The following CHN2 variants were observed in gnomAD, a reference collection of about 807,000 sequenced individuals.
CHN2 encodes the protein chimerin 2.
CHN2 carries 35 observed loss-of-function variants against 56.3 expected under a neutral mutation model. The ratio of observed to expected loss-of-function variants is 0.62; its 90% CI spans 0.47 to 0.82. The LOEUF (loss-of-function observed/expected upper bound fraction) is 0.82, where lower values mean the gene tolerates loss of function less well. CHN2 is among the 40% of genes least tolerant of loss of function. The pLI is 0.00. For missense variants in CHN2, 491 were observed against 580.5 expected (o/e 0.85, Z 1.58); for synonymous variants, 210 against 212.8 (o/e 0.99, Z 0.12).
intron 7 of CHN2, among the ~76,000 whole-genome samples, chr7:29,494,012 C>T (rs930491416): frequency 6.6e-6 from 1 of 152,210 alleles, no homozygotes; most frequent in Non-Finnish European, 1.5e-5. Context: ...TTCCTCTCCC[C>T]GCAACTTTTG....
chr7:29,163,050 T>C (rs955221092), intron 2 of CHN2, among the ~76,000 whole-genome samples: 14 of 152,238 alleles, frequency 9.2e-5, no homozygotes, highest in African/African-American at 3.4e-4. Flanking sequence ...ACTATAGTTA[T>C]GTAAAACGTT....
chr7:29,511,748 G>A lies in CHN2; in HGVS notation c.1236-816G>A, dbSNP rs145540091. ...CCTAAACACATTTTAATTATATTTT[G>A]CTCATTTTTGGAGAACCCATTCCCT... On this transcript the variant is annotated intron_variant, in intron 12 of 12. Coordinates refer to ENST00000222792, the MANE Select transcript of CHN2 (RefSeq NM_004067.4). Among the ~76,000 whole-genome samples the A allele has an allele frequency of 1.1e-3, 161 of 150,800 alleles. 4 individuals are homozygous for A. Among genetic ancestry groups the A allele is most frequent in the African/African-American group, 3.8e-3 (155 of 41,196 alleles).
At position 29,161,930 on chromosome 7, in the gene CHN2, A is replaced by G. The variant is rs535796621; in HGVS notation, c.274+14970A>G. Among the ~76,000 whole-genome samples the G allele has an allele frequency of 1.1e-4, 16 of 152,356 alleles. No homozygotes were observed. In the East Asian group the frequency reaches 1.5e-3, roughly 15 times the overall value. ...AATAAGCACATGAAAGATACTCAGC[A>G]TCACTAGCTATCAGGGGAATGTAAG... On this transcript the variant is annotated intron_variant, in intron 2 of 6. Coordinates refer to the CHN2 transcript ENST00000439384.
chr7:29,169,182 G>C (rs559121575), intron 2 of CHN2, among the ~76,000 whole-genome samples: 3 of 151,996 alleles, frequency 2.0e-5, no homozygotes, highest in Non-Finnish European at 4.4e-5. Flanking sequence ...TGTATATTCA[G>C]TACTGTTTTT....
chr7:29,253,454 A>C (rs1003956012), intron 1 of CHN2, among the ~76,000 whole-genome samples: 1 of 151,856 alleles, frequency 6.6e-6, no homozygotes, highest in Non-Finnish European at 1.5e-5. Context: ...TAAATGTGAG[A>C]GTCTGGGAAA....
At position 29,273,319 on chromosome 7, in the gene CHN2, CAT is replaced by C. The variant is rs1321281034; in HGVS notation, c.49+78330_49+78331del. Among the ~76,000 whole-genome samples the C allele has an allele frequency of 4.6e-4, 49 of 107,210 alleles. 1 individual carries two copies. Among genetic ancestry groups the C allele is most frequent in the African/African-American group, 1.7e-3 (47 of 27,536 alleles). The allele number at this position is 107,210 out of a possible 152,430, so 70.3% of individuals were successfully genotyped here. On this transcript the variant is annotated intron_variant, in intron 1 of 12. Coordinates refer to ENST00000222792, the MANE Select transcript of CHN2 (RefSeq NM_004067.4). ...CCTTTTCTAAGGCTGAATAATATTC[CAT>C]CATGCATATATATATATATGTGTAT...
At chr7:29,479,642 A>G in intron 6 of CHN2, 1 of 1,022,088 alleles carries the variant, frequency 9.8e-7, no homozygotes, top group Non-Finnish European at 1.2e-6. Flanking sequence ...GATGGGGTTC[A>G]GAGCCCCAGA....
chr7:29,179,124 C>G (rs545801158), intron 2 of CHN2, among the ~76,000 whole-genome samples: 1 of 152,266 alleles, frequency 6.6e-6, no homozygotes, highest in Admixed American at 6.5e-5. Context: ...CTCATGGACC[C>G]TTTGAAAACA....
chr7:29,361,327 G>A (rs1798712523), intron 2 of CHN2, among the ~76,000 whole-genome samples: 1 of 152,170 alleles, frequency 6.6e-6, no homozygotes, highest in South Asian at 2.1e-4. Context: ...GCTAAGAGAG[G>A]AGATTGGGCC....
intron 7 of CHN2, 33 bp from the exon 8 acceptor site, chr7:29,495,919 C>A: frequency 2.5e-6 from 4 of 1,592,298 alleles, no homozygotes; most frequent in Non-Finnish European, 3.4e-6. Flanking sequence ...TGACTCTGAG[C>A]TTTCTGACAT....
chr7:29,505,470 C>A (rs750906245), intron 10 of CHN2, among the ~76,000 whole-genome samples: 3 of 152,198 alleles, frequency 2.0e-5, no homozygotes, highest in Non-Finnish European at 2.9e-5. Flanking sequence ...AGGTAGCCCT[C>A]CCTCTCTCTT....
At chr7:29,333,926 AG>A (rs1171158254) in intron 1 of CHN2, among the ~76,000 whole-genome samples, 1 of 152,160 alleles carries the variant, frequency 6.6e-6, no homozygotes, top group Non-Finnish European at 1.5e-5. Context: ...GTGTGCATGG[AG>A]TCCTGCAGTT....
In CHN2 at chr7:29,239,905, C is replaced by G. The variant is rs529610224; in HGVS notation, c.49+44915C>G. Among the ~76,000 whole-genome samples, 54 of 152,344 alleles carry G rather than the reference C, an allele frequency of 3.5e-4. 3 individuals are homozygous for G. The South Asian group carries it at 9.5e-3, about 27-fold the overall frequency. ...GGAGAGGGACCCATTGTTGCCCGTT[C>G]TTCTAGTTAAGCTAGAAATCTAGAT... On this transcript the variant is annotated intron_variant, in intron 1 of 12. Coordinates refer to ENST00000222792, the MANE Select transcript of CHN2 (RefSeq NM_004067.4).
At chr7:29,179,787 T>C (rs975112325) in intron 2 of CHN2, among the ~76,000 whole-genome samples, 2 of 152,238 alleles carry the variant, frequency 1.3e-5, no homozygotes. Flanking sequence ...AGGGGCTATA[T>C]AGCATTTATG....
chr7:29,392,647 C>G (rs757880908), intron 3 of CHN2, among the ~76,000 whole-genome samples: 1 of 152,172 alleles, frequency 6.6e-6, no homozygotes, highest in Non-Finnish European at 1.5e-5. Context: ...TCCCCTAGCT[C>G]CTAGTGTCCT....
chr7:29,464,752 C>T (rs902012759), intron 6 of CHN2, among the ~76,000 whole-genome samples: 19 of 152,158 alleles, frequency 1.2e-4, no homozygotes, highest in Non-Finnish European at 2.9e-5. Context: ...CTTCATAACT[C>T]TCAAAGAAGC....
intron 1 of CHN2, among the ~76,000 whole-genome samples, chr7:29,216,392 C>T (rs1477384342): frequency 6.6e-6 from 1 of 152,216 alleles, no homozygotes; most frequent in Admixed American, 6.5e-5. Context: ...AGTGCTGTCT[C>T]TTCCTAATGG....
At chr7:29,184,888 G>T (rs1562814492) in intron 2 of CHN2, among the ~76,000 whole-genome samples, 1 of 152,136 alleles carries the variant, frequency 6.6e-6, no homozygotes, top group Admixed American at 6.5e-5. Flanking sequence ...CCAGCCCTGA[G>T]GAATGGGAGT....
chr7:29,504,735 C>A lies in CHN2; in HGVS notation c.914-9C>A. The A allele has an allele frequency of 6.3e-7, 1 of 1,577,514 alleles. No homozygotes were observed. ...AGCTAAAGTCAGTCTCTCTCTCTCT[C>A]TCTAACAGGATTAAAATCGGAAGGC... On this transcript the variant is annotated splice_polypyrimidine_tract_variant and intron_variant, in intron 9 of 12. Coordinates refer to ENST00000222792, the MANE Select transcript of CHN2 (RefSeq NM_004067.4).
Sources: gnomAD v4.1 joint callset for allele counts (sites outside exome capture counted in the v4.1 genomes callset) on GRCh38, gnomAD v4.1.1 for gene constraint, MANE v1.5 for transcripts, NCBI Gene and HGNC (gene_info 2026-07-23, HGNC 2026-07-21) for gene names.